Variants in TMPRSS15 observed in about 807,000 individuals in gnomAD.
TMPRSS15 encodes transmembrane serine protease 15, also known as enteropeptidase.
In TMPRSS15, 128 loss-of-function variants were observed where a neutral mutation model predicts 125.3. The ratio of observed to expected loss-of-function variants is 1.02; its 90% CI spans 0.89 to 1.18. The LOEUF (loss-of-function observed/expected upper bound fraction) is 1.18, where lower values mean the gene tolerates loss of function less well. Ranked by LOEUF, TMPRSS15 falls within the 50% of genes most tolerant of loss-of-function variation. The pLI is 0.00. For synonymous variants in TMPRSS15, 446 were observed against 423.2 expected (o/e 1.05, Z -0.66); for missense variants, 1,283 against 1,212.7 (o/e 1.06, Z -0.86).
chr21:18,271,018 G>A (rs1441824584), intron 24 of TMPRSS15, among the ~76,000 whole-genome samples: 1 of 152,044 alleles, frequency 6.6e-6, no homozygotes, highest in African/African-American at 2.4e-5. Flanking sequence ...GAGACTTTTT[G>A]TCTGATCCTT....
chr21:18,280,290 A>T (rs770637622), intron 22 of TMPRSS15, among the ~76,000 whole-genome samples: 1 of 152,120 alleles, frequency 6.6e-6, no homozygotes, highest in Non-Finnish European at 1.5e-5. Flanking sequence ...ACTTCATCCT[A>T]TGAAGGCCGG....
intron 1 of TMPRSS15, among the ~76,000 whole-genome samples, chr21:18,419,559 T>C (rs2076187852): frequency 6.6e-6 from 1 of 152,150 alleles, no homozygotes. Context: ...TCTAACCTTC[T>C]CTTTCTTCTT....
chr21:18,347,328 G>A lies in TMPRSS15; in HGVS notation c.1172-3268C>T, dbSNP rs369728988. The stretch of plus-strand genomic sequence containing the variant: ...TTGGTTCATTGCAACCTCTGCCTCC[G>A]GTGGTTCAAGTGAATCTCCTGCCTC... On this transcript the variant is annotated intron_variant, in intron 10 of 24. Transcript: ENST00000284885. 7.2e-5 allele frequency among the ~76,000 whole-genome samples: 11 copies of A among 152,012 alleles called. No individual in the cohort carries two copies. In the East Asian group the frequency reaches 1.6e-3, roughly 21 times the overall value.
chr21:18,417,319 A>G (rs1244938646), intron 1 of TMPRSS15, among the ~76,000 whole-genome samples: 3 of 152,100 alleles, frequency 2.0e-5, no homozygotes, highest in Non-Finnish European at 4.4e-5. Context: ...ACATAATCCT[A>G]TGATTGTCTC....
At chr21:18,356,609 A>T (rs945688460) in intron 8 of TMPRSS15, among the ~76,000 whole-genome samples, 1 of 151,794 alleles carries the variant, frequency 6.6e-6, no homozygotes, top group African/African-American at 2.4e-5. Flanking sequence ...TCTGGAAGGG[A>T]TGACTTAAGC....
chr21:18,310,764 T>C (rs1252116613), intron 18 of TMPRSS15, among the ~76,000 whole-genome samples: 2 of 151,976 alleles, frequency 1.3e-5, no homozygotes, highest in Non-Finnish European at 2.9e-5. Context: ...AAAGCAATCC[T>C]GAGCAAAAAG....
chr21:18,299,457 A>G (rs947554211), intron 18 of TMPRSS15, among the ~76,000 whole-genome samples: 5 of 152,216 alleles, frequency 3.3e-5, no homozygotes, highest in African/African-American at 1.2e-4. Flanking sequence ...TTTCAAAAAT[A>G]TCAAGGGATG....
chr21:18,336,791 C>T (rs1479527928), intron 13 of TMPRSS15, among the ~76,000 whole-genome samples: 2 of 152,196 alleles, frequency 1.3e-5, no homozygotes, highest in Non-Finnish European at 2.9e-5. Flanking sequence ...CTGCCTCAGG[C>T]TTCCGAGTAG....
At chr21:18,305,228 G>T (rs993194920) in intron 18 of TMPRSS15, among the ~76,000 whole-genome samples, 5 of 119,184 alleles carry the variant, frequency 4.2e-5, no homozygotes, top group African/African-American at 1.6e-4. Context: ...TCCCTCTGTC[G>T]CCCAGGCTGG....
At chr21:18,471,219 A>C (rs945714951) in intron 1 of TMPRSS15, among the ~76,000 whole-genome samples, 3 of 152,126 alleles carry the variant, frequency 2.0e-5, no homozygotes, top group South Asian at 2.1e-4. Flanking sequence ...ACAACAACAA[A>C]AACAAAAAGA....
At chr21:18,283,927 G>A (rs2074733122) in intron 21 of TMPRSS15, among the ~76,000 whole-genome samples, 1 of 152,056 alleles carries the variant, frequency 6.6e-6, no homozygotes, top group Admixed American at 6.6e-5. Flanking sequence ...ATTATTTTAA[G>A]GACTTGAGTA....
Position 18,279,020 on chromosome 21 carries a change from A to C in TMPRSS15, c.2708T>G (p.Val903Gly). 1 of 1,604,134 alleles carries C rather than the reference A, an allele frequency of 6.2e-7. No individual in the cohort carries two copies. The highest frequency in any genetic ancestry group is 8.5e-7 in the Non-Finnish European group (1 of 1,173,660). Residue 903 changes from valine to glycine, a missense_variant, in exon 23 of 25, where the codon GTT (valine) becomes GGT (glycine). Transcript: ENST00000284885. Reference sequence around the variant, plus strand: ...AGAACAATTTCTTCCTGGAGGAAAAACTTGATTTTCTTCCGGTAAACAAAT... The same window carrying C: ...AGAACAATTTCTTCCTGGAGGAAAACCTTGATTTTCTTCCGGTAAACAAAT... ...QPICLPEENQ[V>G]FPPGRNCSIA...
chr21:18,433,831 TTGCA>T, intron 1 of TMPRSS15, among the ~76,000 whole-genome samples: 1 of 152,262 alleles, frequency 6.6e-6, no homozygotes, highest in Admixed American at 6.5e-5. Flanking sequence ...TTTTGGAGTT[TTGCA>T]GATAAACTGT....
intron 21 of TMPRSS15, among the ~76,000 whole-genome samples, chr21:18,288,988 T>C (rs1044015100): frequency 6.6e-6 from 1 of 152,134 alleles, no homozygotes; most frequent in African/African-American, 2.4e-5. Flanking sequence ...AAACTAATTA[T>C]ATGTATATTT....
At chr21:18,398,092 T>A in intron 2 of TMPRSS15, 107 bp downstream of exon 2, 1 of 1,389,052 alleles carries the variant, frequency 7.2e-7, no homozygotes, top group Non-Finnish European at 1.0e-6. Context: ...TTGAGTATCT[T>A]GGGCATATTA....
intron 12 of TMPRSS15, 138 bp from the exon 13 acceptor site, chr21:18,341,686 T>G: frequency 1.1e-6 from 1 of 950,816 alleles, no homozygotes; most frequent in Non-Finnish European, 1.6e-6. Context: ...TGACCGTTAC[T>G]ACATAGTGAA....
At chr21:18,444,984 A>G (rs1005712941) in intron 1 of TMPRSS15, among the ~76,000 whole-genome samples, 2 of 152,102 alleles carry the variant, frequency 1.3e-5, no homozygotes, top group Non-Finnish European at 2.9e-5. Flanking sequence ...TTTTGCCATT[A>G]AGAGTGGCAA....
At chr21:18,448,949 A>G (rs117100034) in intron 1 of TMPRSS15, among the ~76,000 whole-genome samples, 1,616 of 152,276 alleles carry the variant, frequency 0.011, 12 homozygotes, top group Non-Finnish European at 0.016. Flanking sequence ...TGAAACAGAC[A>G]AACTGGGTCT....
In TMPRSS15 at chr21:18,398,348, A is replaced by G; in HGVS notation, c.146-19T>C. On this transcript the variant is annotated intron_variant, in intron 1 of 24. Coordinates refer to ENST00000284885, the MANE Select transcript of TMPRSS15 (RefSeq NM_002772.3). The stretch of plus-strand genomic sequence containing the variant: ...GCTGCACCTAGATAAATTAATAAGG[A>G]AAAAACACTAAGATTTTGGATTATG... The G allele has an allele frequency of 6.2e-7, 1 of 1,612,596 alleles. No individual in the cohort carries two copies. The highest frequency in any genetic ancestry group is 8.5e-7 in the Non-Finnish European group (1 of 1,179,286).
Sources: allele counts gnomAD v4.1 joint callset (sites outside exome capture counted in the v4.1 genomes callset), GRCh38; gene constraint gnomAD v4.1.1; transcripts MANE v1.5; gene names NCBI Gene and HGNC (gene_info 2026-07-23, HGNC 2026-07-21).